The following SPRED2 variants were observed in gnomAD, a reference collection of about 807,000 sequenced individuals.
SPRED2 encodes the protein sprouty related EVH1 domain containing 2.
Under a neutral mutation model 43.0 loss-of-function variants are expected in SPRED2, and 47 were observed. That is an observed-to-expected ratio of 1.09 (90% CI 0.87 to 1.40). SPRED2 has a LOEUF of 1.40. SPRED2 is among the 40% of genes most tolerant of loss of function. The pLI, the probability that SPRED2 is intolerant of heterozygous loss-of-function variation, is 0.00. For synonymous variants in SPRED2, 225 were observed against 225.7 expected (o/e 1.00, Z 0.03); for missense variants, 561 against 586.4 (o/e 0.96, Z 0.45).
intron 1 of SPRED2, among the ~76,000 whole-genome samples, chr2:65,406,818 T>C (rs535462138): frequency 1.1e-4 from 16 of 152,336 alleles, no homozygotes; most frequent in Admixed American, 7.8e-4. Flanking sequence ...AAATCCACCT[T>C]TCCTGAGAGC....
chr2:65,404,480 G>T (rs980876459), intron 1 of SPRED2, among the ~76,000 whole-genome samples: 1 of 152,204 alleles, frequency 6.6e-6, no homozygotes, highest in African/African-American at 2.4e-5. Flanking sequence ...AACAGTCTCA[G>T]TAATGAGTTT....
chr2:65,309,666 A>G (rs963907910), downstream of SPRED2, among the ~76,000 whole-genome samples: 2 of 152,124 alleles, frequency 1.3e-5, no homozygotes, highest in African/African-American at 4.8e-5. Flanking sequence ...TTGTTTCTTT[A>G]CATGTGTGCT....
At position 65,312,785 on chromosome 2, in the gene SPRED2, TCA is replaced by T; in HGVS notation, c.*714_*715del. On this transcript the variant is annotated 3_prime_UTR_variant, in exon 6 of 6. Transcript: ENST00000356388. ...TTAATCTGAAGTTAAGGCTCAATTC[TCA>T]GTCTATTACGGGTGAATGTTTTGCA... 2.0e-6 allele frequency: 2 copies of T among 985,864 alleles called. No homozygotes were observed. The highest frequency in any genetic ancestry group is 2.4e-6 in the Non-Finnish European group (2 of 829,948). The allele number at this position is 985,864 out of a possible 1,614,324, so 61.1% of individuals were successfully genotyped here. A position where few individuals can be genotyped will look rare whatever the true frequency, so the allele number is the denominator to read the frequency against.
chr2:65,344,703 G>C lies in SPRED2; in HGVS notation c.204+16C>G. The C allele has an allele frequency of 6.2e-7, 1 of 1,613,104 alleles. No homozygotes were observed. Among genetic ancestry groups the C allele is most frequent in the Non-Finnish European group, 8.5e-7 (1 of 1,179,102 alleles). On this transcript the variant is annotated intron_variant, in intron 2 of 5. Coordinates refer to ENST00000356388, the MANE Select transcript of SPRED2 (RefSeq NM_181784.3). Reference sequence around the variant, plus strand: ...TTGTTACTAATTTAACCCACGAGTTGTATGTCTGCCATTACCAGTTTGTCT... The same window carrying C: ...TTGTTACTAATTTAACCCACGAGTTCTATGTCTGCCATTACCAGTTTGTCT...
chr2:65,312,537 T>C lies in SPRED2; in HGVS notation c.*964A>G, dbSNP rs1673098800. On this transcript the variant is annotated 3_prime_UTR_variant, in exon 6 of 6. Coordinates refer to ENST00000356388, the MANE Select transcript of SPRED2 (RefSeq NM_181784.3). The stretch of plus-strand genomic sequence containing the variant: ...ACTTGTTCGTGGGAACACTGATTTG[T>C]GTTTGAGGAAACTATTTGGTTTGCA... The C allele has an allele frequency of 1.0e-6, 1 of 985,386 alleles. No homozygotes were observed. 61.0% of individuals were successfully genotyped at this position (985,386 alleles called of 1,614,324 possible). A position where few individuals can be genotyped will look rare whatever the true frequency, so the allele number is the denominator to read the frequency against.
intron 1 of SPRED2, among the ~76,000 whole-genome samples, chr2:65,379,271 G>C (rs571388928): frequency 6.6e-6 from 1 of 152,150 alleles, no homozygotes; most frequent in Non-Finnish European, 1.5e-5. Flanking sequence ...ATCTTGCTGA[G>C]AGCAGCTTAT....
chr2:65,322,471 T>G (rs1673461726), intron 4 of SPRED2, among the ~76,000 whole-genome samples: 1 of 151,650 alleles, frequency 6.6e-6, no homozygotes, highest in Non-Finnish European at 1.5e-5. Flanking sequence ...TACTTCGTAT[T>G]TTTAGTAGAG....
intron 1 of SPRED2, among the ~76,000 whole-genome samples, chr2:65,430,622 G>C (rs997681772): frequency 2.0e-5 from 3 of 152,278 alleles, no homozygotes; most frequent in Admixed American, 6.5e-5. Context: ...GGGGGCAAAA[G>C]ACCTGGGGCC....
rs144158694 is a variant in SPRED2, at chr2:65,405,542, C to T, written c.26+26420G>A. On this transcript the variant is annotated intron_variant, in intron 1 of 5. Transcript: ENST00000356388. ...AAATAACTGTGAATGACTGTCCAAACGAGCAGGACAAAACTCCCCCAATTA... is the reference window on the plus strand; with the variant it reads ...AAATAACTGTGAATGACTGTCCAAATGAGCAGGACAAAACTCCCCCAATTA... 7.8e-4 allele frequency among the ~76,000 whole-genome samples: 119 copies of T among 152,236 alleles called. No individual in the cohort carries two copies. In the East Asian group the frequency reaches 0.014, roughly 18 times the overall value.
rs899255351 is a variant in SPRED2 at position 65,395,697 on chromosome 2, G to A, written c.26+36265C>T. ...TCAACAGCACCTATCTCATAGGGCA[G>A]TTATGAGAATTAAAACAGGTTAGGG... On this transcript the variant is annotated intron_variant, in intron 1 of 5. Transcript: ENST00000356388. Among the ~76,000 whole-genome samples, 3 of 152,336 alleles carry A rather than the reference G, an allele frequency of 2.0e-5. No homozygotes were observed. The South Asian group carries it at 6.2e-4, about 32-fold the overall frequency.
chr2:65,317,680 G>A (rs941417711), intron 4 of SPRED2, among the ~76,000 whole-genome samples: 3 of 152,286 alleles, frequency 2.0e-5, no homozygotes, highest in South Asian at 4.2e-4. Flanking sequence ...ATGGAGGGGG[G>A]AAATCTCCAC....
intron 4 of SPRED2, among the ~76,000 whole-genome samples, chr2:65,321,434 G>C (rs902956126): frequency 2.0e-5 from 3 of 150,030 alleles, no homozygotes; most frequent in African/African-American, 7.4e-5. Flanking sequence ...CGCTTTGGGA[G>C]GCTGAGGTAG....
intron 4 of SPRED2, among the ~76,000 whole-genome samples, chr2:65,323,412 C>G (rs960169973): frequency 1.3e-5 from 2 of 151,968 alleles, no homozygotes; most frequent in Non-Finnish European, 2.9e-5. Flanking sequence ...CTGAGACAAG[C>G]CTTTGATGAG....
chr2:65,359,724 T>C (rs1325241356), intron 1 of SPRED2, among the ~76,000 whole-genome samples: 1 of 151,678 alleles, frequency 6.6e-6, no homozygotes, highest in Non-Finnish European at 1.5e-5. Flanking sequence ...GGTCAGGAGA[T>C]CCAGACCATC....
At chr2:65,375,384 T>G (rs531022113) in intron 1 of SPRED2, among the ~76,000 whole-genome samples, 2 of 152,184 alleles carry the variant, frequency 1.3e-5, no homozygotes, top group East Asian at 3.9e-4. Flanking sequence ...GGGACAGAGA[T>G]CTGTAGGGGA....
chr2:65,396,331 C>A (rs1675756574), intron 1 of SPRED2, among the ~76,000 whole-genome samples: 3 of 152,146 alleles, frequency 2.0e-5, no homozygotes, highest in African/African-American at 7.2e-5. Context: ...TACTTGAAAC[C>A]CACCCACTAA....
At chr2:65,339,290 C>A (rs1472310674) in intron 2 of SPRED2, among the ~76,000 whole-genome samples, 62 of 142,596 alleles carry the variant, frequency 4.3e-4, no homozygotes, top group African/African-American at 1.4e-3. Context: ...GAAGGGGGGG[C>A]AGGGTGGGGA....
At chr2:65,357,367 G>C (rs900745456) in intron 1 of SPRED2, among the ~76,000 whole-genome samples, 6 of 152,158 alleles carry the variant, frequency 3.9e-5, no homozygotes, top group African/African-American at 1.2e-4. Flanking sequence ...CTTCACATTA[G>C]TTCCACCTCT....
chr2:65,332,921 T>A (rs1673856067), intron 3 of SPRED2, among the ~76,000 whole-genome samples: 1 of 152,220 alleles, frequency 6.6e-6, no homozygotes, highest in Admixed American at 6.5e-5. Flanking sequence ...AAGGGAAATT[T>A]ATTCTCTATC....
Sources: allele counts gnomAD v4.1 joint callset (sites outside exome capture counted in the v4.1 genomes callset), GRCh38; gene constraint gnomAD v4.1.1; transcripts MANE v1.5; gene names NCBI Gene and HGNC (gene_info 2026-07-23, HGNC 2026-07-21).